Variants in SMYD3 observed in about 807,000 individuals in gnomAD.
The protein encoded by SMYD3 is SET and MYND domain containing 3.
Under a neutral mutation model 57.7 loss-of-function variants are expected in SMYD3, and 36 were observed. The ratio of observed to expected loss-of-function variants is 0.62; its 90% CI spans 0.48 to 0.82. The LOEUF is 0.82. Ranked by LOEUF, SMYD3 falls within the 40% of genes least tolerant of loss-of-function variation. The probability of loss-of-function intolerance (pLI) is 0.00; values close to 1 mark genes in which losing one functional copy is unlikely to be tolerated. For missense variants in SMYD3, 515 were observed against 538.8 expected (o/e 0.96, Z 0.44); for synonymous variants, 211 against 195.0 (o/e 1.08, Z -0.68).
intron 5 of SMYD3, among the ~76,000 whole-genome samples, chr1:246,211,085 G>A (rs2063078945): frequency 6.6e-6 from 1 of 152,000 alleles, no homozygotes; most frequent in Admixed American, 6.6e-5. Context: ...CTGTTTCACT[G>A]ACCAAACATG....
intron 1 of SMYD3, among the ~76,000 whole-genome samples, chr1:246,452,038 G>A (rs1480645301): frequency 6.6e-6 from 1 of 152,054 alleles, no homozygotes; most frequent in African/African-American, 2.4e-5. Context: ...AAGACAGCAG[G>A]ACTAAATCTC....
At chr1:246,254,028 C>T (rs1435791000) in intron 5 of SMYD3, among the ~76,000 whole-genome samples, 1 of 151,414 alleles carries the variant, frequency 6.6e-6, no homozygotes, top group East Asian at 1.9e-4. Flanking sequence ...TTTTTTACTT[C>T]TTAATAATAG....
intron 1 of SMYD3, among the ~76,000 whole-genome samples, chr1:246,468,430 C>T (rs942390825): frequency 6.6e-6 from 1 of 151,788 alleles, no homozygotes; most frequent in African/African-American, 2.4e-5. Flanking sequence ...CGCTTGGGCT[C>T]AGGAGTTCAA....
intron 5 of SMYD3, among the ~76,000 whole-genome samples, chr1:246,177,263 C>CT (rs1308077053): frequency 7.2e-5 from 11 of 152,200 alleles, no homozygotes; most frequent in Admixed American, 7.2e-4. Flanking sequence ...AACTTCAATG[C>CT]TGTCTTCTTA....
intron 5 of SMYD3, among the ~76,000 whole-genome samples, chr1:246,061,510 C>A (rs1263111273): frequency 1.9e-4 from 29 of 151,028 alleles, no homozygotes; most frequent in Non-Finnish European, 1.5e-5. Context: ...CACTTGAACA[C>A]AATTCAAGAC....
intron 1 of SMYD3, among the ~76,000 whole-genome samples, chr1:246,484,879 C>T (rs2068162873): frequency 1.1e-5 from 1 of 88,074 alleles, no homozygotes; most frequent in Non-Finnish European, 2.6e-5. Flanking sequence ...CCTGAAAACA[C>T]ATCACTTCAA....
chr1:246,189,375 C>T (rs1260925030), intron 5 of SMYD3, among the ~76,000 whole-genome samples: 1 of 152,190 alleles, frequency 6.6e-6, no homozygotes, highest in South Asian at 2.1e-4. Flanking sequence ...AAGGGAACAA[C>T]GCAAGTGTCG....
At chr1:246,391,527 G>A (rs556561209) in intron 1 of SMYD3, among the ~76,000 whole-genome samples, 18 of 151,498 alleles carry the variant, frequency 1.2e-4, no homozygotes, top group South Asian at 8.4e-4. Context: ...TGCAAGACTC[G>A]ACCATATTCT....
chr1:246,304,184 T>C (rs577582065), intron 5 of SMYD3, among the ~76,000 whole-genome samples: 1 of 152,204 alleles, frequency 6.6e-6, no homozygotes. Flanking sequence ...AAAGATACTA[T>C]ATTTCAGATG....
At chr1:245,964,624 T>C (rs1398530606) in intron 5 of SMYD3, among the ~76,000 whole-genome samples, 2 of 152,176 alleles carry the variant, frequency 1.3e-5, no homozygotes, top group Non-Finnish European at 2.9e-5. Flanking sequence ...TATAAGCAGA[T>C]GAAAATTCTA....
intron 1 of SMYD3, among the ~76,000 whole-genome samples, chr1:246,453,688 T>C (rs531273477): frequency 4.6e-5 from 7 of 152,230 alleles, no homozygotes; most frequent in Middle Eastern, 3.4e-3. Flanking sequence ...CAAACCAGCC[T>C]TAAAAAGGCC....
At chr1:245,831,729 TTCAAC>T (rs1572463612) in intron 10 of SMYD3, among the ~76,000 whole-genome samples, 1 of 152,198 alleles carries the variant, frequency 6.6e-6, no homozygotes, top group Non-Finnish European at 1.5e-5. Context: ...GAAACGACAC[TTCAAC>T]TCATCACTGA....
chr1:246,507,275 GGGC>G lies in SMYD3; in HGVS notation c.-61_-59del. 7.0e-7 allele frequency: 1 copy of G among 1,430,800 alleles called. No individual in the cohort carries two copies. Among genetic ancestry groups the G allele is most frequent in the Non-Finnish European group, 9.2e-7 (1 of 1,086,336 alleles). The allele number at this position is 1,430,800 out of a possible 1,614,324, so 88.6% of individuals were successfully genotyped here. ...CCGCGTCCAGCAGCGGGCGTCTCAC[GGGC>G]TGCCGGGACCCGCGCGCCTGCGCCC... On this transcript the variant is annotated 5_prime_UTR_variant, in exon 1 of 12. Transcript: ENST00000490107.
chr1:245,923,332 T>C (rs1443504666), intron 7 of SMYD3, among the ~76,000 whole-genome samples: 1 of 152,132 alleles, frequency 6.6e-6, no homozygotes, highest in East Asian at 1.9e-4. Flanking sequence ...GCAGTTCCTT[T>C]GCTGAAACCC....
In SMYD3 at chr1:246,146,469, T is replaced by C. The variant is rs577409407; in HGVS notation, c.531+180732A>G. 3.3e-5 allele frequency among the ~76,000 whole-genome samples: 5 copies of C among 152,112 alleles called. No individual in the cohort carries two copies. The South Asian group carries it at 1.0e-3, about 32-fold the overall frequency. ...AGACCTCTGTCCAAACAAACCTCCTTCTCCGCCAAGTGCCAACACCCATCC... is the reference window on the plus strand; with the variant it reads ...AGACCTCTGTCCAAACAAACCTCCTCCTCCGCCAAGTGCCAACACCCATCC... On this transcript the variant is annotated intron_variant, in intron 5 of 11. Coordinates refer to ENST00000490107, the MANE Select transcript of SMYD3 (RefSeq NM_001167740.2).
chr1:245,977,146 T>C (rs945822853), intron 5 of SMYD3, among the ~76,000 whole-genome samples: 8 of 152,236 alleles, frequency 5.3e-5, no homozygotes, highest in Non-Finnish European at 1.2e-4. Context: ...TATACTTCTC[T>C]AGACAGAATT....
At chr1:245,939,294 C>A (rs1475158314) in intron 5 of SMYD3, among the ~76,000 whole-genome samples, 2 of 152,004 alleles carry the variant, frequency 1.3e-5, no homozygotes, top group African/African-American at 2.4e-5. Context: ...TTAGCAGGAC[C>A]CTCTTGACTA....
intron 10 of SMYD3, among the ~76,000 whole-genome samples, chr1:245,857,969 G>A (rs570347776): frequency 2.6e-5 from 4 of 152,250 alleles, no homozygotes; most frequent in Admixed American, 1.3e-4. Context: ...GCTGAGGCAG[G>A]GCCGTCTCCC....
At chr1:246,081,037 T>C (rs1283379526) in intron 5 of SMYD3, among the ~76,000 whole-genome samples, 1 of 128,512 alleles carries the variant, frequency 7.8e-6, no homozygotes, top group Non-Finnish European at 1.5e-5. Flanking sequence ...AAGTTACCAC[T>C]TTGTTTGATT....
Sources: allele counts gnomAD v4.1 joint callset (sites outside exome capture counted in the v4.1 genomes callset), GRCh38; gene constraint gnomAD v4.1.1; transcripts MANE v1.5; gene names NCBI Gene and HGNC (gene_info 2026-07-23, HGNC 2026-07-21).